The following ZFPM2 variants were observed in gnomAD, a reference collection of about 807,000 sequenced individuals.
ZFPM2 encodes zinc finger protein, FOG family member 2, also known as zinc finger protein ZFPM2.
In ZFPM2, 20 loss-of-function variants were observed where a neutral mutation model predicts 98.6. That is an observed-to-expected ratio of 0.20 (90% CI 0.14 to 0.29). The LOEUF (loss-of-function observed/expected upper bound fraction) is 0.29. Among genes scored for constraint, ZFPM2 ranks in the 10% least tolerant of loss-of-function variants. The probability of loss-of-function intolerance (pLI) is 1.00; values close to 1 mark genes in which losing one functional copy is unlikely to be tolerated. For synonymous variants in ZFPM2, 518 were observed against 502.7 expected, an observed-to-expected ratio of 1.03 and a Z score of -0.41; for missense variants, 1,310 against 1,388.6, an observed-to-expected ratio of 0.94 and a Z score of 0.90.
At position 105,627,791 on chromosome 8, in the gene ZFPM2, G is replaced by A. The variant is rs563440459; in HGVS notation, c.421-6455G>A. 3.3e-5 allele frequency among the ~76,000 whole-genome samples: 5 copies of A among 152,260 alleles called. No homozygotes were observed. The South Asian group carries it at 8.3e-4, about 25-fold the overall frequency. On this transcript the variant is annotated intron_variant, in intron 4 of 7. Coordinates refer to ENST00000407775, the MANE Select transcript of ZFPM2 (RefSeq NM_012082.4). ...GATCTTACGGGTTCTGTGTAGGAGTGACACAAGCCACTTCTTCAATTTCAC... is the reference window on the plus strand; with the variant it reads ...GATCTTACGGGTTCTGTGTAGGAGTAACACAAGCCACTTCTTCAATTTCAC...
intron 4 of ZFPM2, among the ~76,000 whole-genome samples, chr8:105,562,641 C>G (rs1214154319): frequency 1.3e-5 from 2 of 152,150 alleles, no homozygotes; most frequent in African/African-American, 4.8e-5. Flanking sequence ...AGACCCCCTT[C>G]CATCTTCAAA....
intron 6 of ZFPM2, among the ~76,000 whole-genome samples, chr8:105,792,848 T>C (rs548606932): frequency 8.5e-5 from 13 of 152,330 alleles, no homozygotes; most frequent in Middle Eastern, 6.8e-3. Flanking sequence ...AATGGCCTTC[T>C]TTGTCTCTTT....
At chr8:105,650,514 AG>A (rs1164019708) in intron 5 of ZFPM2, among the ~76,000 whole-genome samples, 1 of 152,172 alleles carries the variant, frequency 6.6e-6, no homozygotes, top group African/African-American at 2.4e-5. Flanking sequence ...ATGGGCATTT[AG>A]TGCTATAAAT....
chr8:105,339,498 C>T (rs1812387724), intron 1 of ZFPM2, among the ~76,000 whole-genome samples: 1 of 151,888 alleles, frequency 6.6e-6, no homozygotes, highest in Non-Finnish European at 1.5e-5. Flanking sequence ...ATGGCTAAGA[C>T]AATATGCAAA....
chr8:105,350,980 C>T (rs532945152), intron 1 of ZFPM2, among the ~76,000 whole-genome samples: 6 of 151,638 alleles, frequency 4.0e-5, no homozygotes, highest in South Asian at 2.1e-4. Flanking sequence ...ATCAGGAGTT[C>T]GAGACCAGCC....
intron 1 of ZFPM2, among the ~76,000 whole-genome samples, chr8:105,335,641 A>G (rs1175875539): frequency 2.0e-5 from 3 of 151,816 alleles, no homozygotes; most frequent in Admixed American, 2.0e-4. Flanking sequence ...CCAGCCATCA[A>G]CTGTTGAAAA....
At chr8:105,542,132 A>G (rs1473409312) in intron 3 of ZFPM2, among the ~76,000 whole-genome samples, 1 of 152,128 alleles carries the variant, frequency 6.6e-6, no homozygotes, top group African/African-American at 2.4e-5. Context: ...AAAAATGGTT[A>G]TTTTGCTAGC....
intron 5 of ZFPM2, among the ~76,000 whole-genome samples, chr8:105,736,281 C>T (rs1812071558): frequency 6.6e-6 from 1 of 151,880 alleles, no homozygotes; most frequent in Middle Eastern, 3.2e-3. Context: ...GATACTTCTG[C>T]AAATTTCTAG....
chr8:105,475,988 C>G (rs1813005687), intron 3 of ZFPM2, among the ~76,000 whole-genome samples: 1 of 152,174 alleles, frequency 6.6e-6, no homozygotes, highest in African/African-American at 2.4e-5. Context: ...ATTTTACGGA[C>G]TAGCATTGGT....
chr8:105,630,798 C>T (rs966652109), intron 4 of ZFPM2, among the ~76,000 whole-genome samples: 1 of 152,054 alleles, frequency 6.6e-6, no homozygotes, highest in African/African-American at 2.4e-5. Flanking sequence ...AAGTGAAATG[C>T]TTACCTCAAT....
chr8:105,500,581 GAGAC>G (rs1194926783), intron 3 of ZFPM2, among the ~76,000 whole-genome samples: 2 of 152,180 alleles, frequency 1.3e-5, no homozygotes, highest in East Asian at 3.9e-4. Flanking sequence ...ATAATAAAAA[GAGAC>G]AGAACGTTAG....
chr8:105,602,210 A>C (rs1816106972), intron 4 of ZFPM2, among the ~76,000 whole-genome samples: 1 of 152,132 alleles, frequency 6.6e-6, no homozygotes, highest in African/African-American at 2.4e-5. Context: ...TGATTTTCAG[A>C]AAAGTAAAGA....
At chr8:105,659,749 C>A (rs1406440430) in intron 5 of ZFPM2, among the ~76,000 whole-genome samples, 1 of 152,228 alleles carries the variant, frequency 6.6e-6, no homozygotes, top group East Asian at 1.9e-4. Context: ...TTTATTTGAA[C>A]AAATTCAATC....
rs182175639 is a variant in ZFPM2 at position 105,708,206 on chromosome 8, C to G, written c.532+73849C>G. Among the ~76,000 whole-genome samples the G allele has an allele frequency of 4.4e-3, 673 of 152,114 alleles. 3 individuals are homozygous for G. The highest frequency in any genetic ancestry group is 6.9e-3 in the Non-Finnish European group (470 of 68,004). On this transcript the variant is annotated intron_variant, in intron 5 of 7. Transcript: ENST00000407775. The stretch of plus-strand genomic sequence containing the variant: ...AGAGTAAAACCTGTGTCATCGACCT[C>G]CATATTCTTATAATAATTGGAGAAT...
chr8:105,346,688 A>G (rs566432585), intron 1 of ZFPM2, among the ~76,000 whole-genome samples: 6 of 152,184 alleles, frequency 3.9e-5, no homozygotes, highest in African/African-American at 1.4e-4. Context: ...TTATCCTTTT[A>G]TGTAGGACAG....
intron 6 of ZFPM2, among the ~76,000 whole-genome samples, chr8:105,790,999 G>A (rs1187648765): frequency 1.9e-4 from 29 of 152,306 alleles, no homozygotes; most frequent in East Asian, 1.5e-3. Flanking sequence ...GGCTGAGACA[G>A]TGGGGTTTTC....
At chr8:105,543,327 G>T (rs1315320106) in intron 3 of ZFPM2, among the ~76,000 whole-genome samples, 1 of 152,020 alleles carries the variant, frequency 6.6e-6, no homozygotes, top group Non-Finnish European at 1.5e-5. Context: ...CTCTACAGAA[G>T]ATACAAAAAT....
chr8:105,456,910 C>T (rs1812604571), intron 3 of ZFPM2, among the ~76,000 whole-genome samples: 2 of 152,138 alleles, frequency 1.3e-5, no homozygotes, highest in Non-Finnish European at 1.5e-5. Flanking sequence ...GCCTGGGCCT[C>T]CCAAAGTGCT....
intron 5 of ZFPM2, among the ~76,000 whole-genome samples, chr8:105,661,551 C>T (rs1339548199): frequency 2.0e-5 from 3 of 152,024 alleles, no homozygotes; most frequent in African/African-American, 7.3e-5. Context: ...ATTGTTAGAC[C>T]GCAGACCTTT....
Sources: gnomAD v4.1 joint callset for allele counts (sites outside exome capture counted in the v4.1 genomes callset) on GRCh38, gnomAD v4.1.1 for gene constraint, MANE v1.5 for transcripts, NCBI Gene and HGNC (gene_info 2026-07-23, HGNC 2026-07-21) for gene names.